Variants in GRIN2D observed in about 807,000 individuals in gnomAD.
The protein encoded by GRIN2D is glutamate receptor ionotropic, NMDA 2D.
In GRIN2D, 37 loss-of-function variants were observed where a neutral mutation model predicts 103.2. The ratio of observed to expected loss-of-function variants is 0.36; its 90% confidence interval spans 0.28 to 0.47. GRIN2D has a LOEUF of 0.47. Among genes scored for constraint, GRIN2D ranks in the 20% least tolerant of loss-of-function variants. The pLI is 1.00. For synonymous variants in GRIN2D, 845 were observed against 885.6 expected, an observed-to-expected ratio of 0.95 and a Z score of 0.81; for missense variants, 1,557 against 1,910.6, an observed-to-expected ratio of 0.81 and a Z score of 3.45.
chr19:48,406,410 A>T (rs1753513740), intron 4 of GRIN2D, among the ~76,000 whole-genome samples: 1 of 152,174 alleles, frequency 6.6e-6, no homozygotes, highest in Admixed American at 6.5e-5. Flanking sequence ...GAGTGGAAAA[A>T]TTGGTAAGTT....
rs765789746 is a variant in GRIN2D, at chr19:48,443,346, G to C, written c.3420G>C (p.Pro1140=). 7.9e-6 allele frequency: 12 copies of C among 1,518,308 alleles called. No homozygotes were observed. The East Asian group carries it at 1.4e-4, about 17-fold the overall frequency. The allele number at this position is 1,518,308 out of a possible 1,614,324, so 94.1% of individuals were successfully genotyped here. A position where few individuals can be genotyped will look rare whatever the true frequency, so the allele number is the denominator to read the frequency against. Reference sequence around the variant, plus strand: ...GGTGGTTCGCCGACTTCCCTTACCCGTATGCCGAGCGCCTCGGGCCGCCGC... The same window carrying C: ...GGTGGTTCGCCGACTTCCCTTACCCCTATGCCGAGCGCCTCGGGCCGCCGC... ...EPWWFADFPY[P]YAERLGPPPG... Residue 1140 remains proline (P), a synonymous_variant, in exon 14 of 14, where the codon CCG becomes CCC. Coordinates refer to ENST00000263269, the MANE Select transcript of GRIN2D (RefSeq NM_000836.4). This position sits in a 1 kb window ranked among gnomAD's most constrained non-coding sequence, Gnocchi z 8.9.
In GRIN2D at chr19:48,443,695, G is replaced by T; in HGVS notation, c.3769G>T (p.Ala1257Ser). ...APHHHRHRRA[A>S]GGWDLPPPAP... ...CCACCACCACAGGCACCGGCGCGCC[G>T]CTGGGGGCTGGGACCTCCCGCCGCC... The change falls in exon 14 of 14, where the codon GCT becomes TCT. Residue 1257 changes from alanine to serine, a missense_variant. Ala to Ser is a moderately conservative substitution (Grantham distance 99). Transcript: ENST00000263269. The surrounding 1 kb of genome is among the most constrained non-coding windows in gnomAD (Gnocchi z 8.9). 8.0e-7 allele frequency: 1 copy of T among 1,247,202 alleles called. No homozygotes were observed. Among genetic ancestry groups the T allele is most frequent in the Non-Finnish European group, 1.0e-6 (1 of 999,316 alleles). The allele number at this position is 1,247,202 out of a possible 1,614,324, so 77.3% of individuals were successfully genotyped here. A position where few individuals can be genotyped will look rare whatever the true frequency, so the allele number is the denominator to read the frequency against.
At chr19:48,411,676 G>T (rs1970862835) in intron 4 of GRIN2D, among the ~76,000 whole-genome samples, 3 of 151,362 alleles carry the variant, frequency 2.0e-5, no homozygotes, top group Admixed American at 1.3e-4. Context: ...TAAATAAGAA[G>T]AATAGTTGGT....
At chr19:48,401,757 ACAAT>A (rs1219913472) in intron 3 of GRIN2D, among the ~76,000 whole-genome samples, 1 of 152,192 alleles carries the variant, frequency 6.6e-6, no homozygotes, top group African/African-American at 2.4e-5. Flanking sequence ...ATATTTTGAA[ACAAT>A]CACTCTGGCT....
At chr19:48,412,425 G>GAAAGAAAGAAAGAGAAAGA (rs1970877062) in intron 4 of GRIN2D, among the ~76,000 whole-genome samples, 1 of 48,150 alleles carries the variant, frequency 2.1e-5, no homozygotes, top group East Asian at 4.7e-4. Flanking sequence ...AGAAAGAAAA[G>GAAAGAAAGAAAGAGAAAGA]AAAGAAAGAA....
intron 3 of GRIN2D, among the ~76,000 whole-genome samples, chr19:48,402,341 G>C (rs1381279071): frequency 6.6e-6 from 1 of 152,156 alleles, no homozygotes; most frequent in African/African-American, 2.4e-5. Flanking sequence ...GAAAGGGAAA[G>C]GATGATTTAG....
rs145605485 is a variant in GRIN2D, at chr19:48,421,345, T to C, written c.2092-440T>C. ...CGGGAGGCTGAGGCAGGAGAATCAGTTGAACCTGGGAGGCGGAGGTTGCAG... is the reference window on the plus strand; with the variant it reads ...CGGGAGGCTGAGGCAGGAGAATCAGCTGAACCTGGGAGGCGGAGGTTGCAG... On this transcript the variant is annotated intron_variant, in intron 10 of 13. Transcript: ENST00000263269. The surrounding 1 kb of genome is among the most constrained non-coding windows in gnomAD (Gnocchi z 4.8). Among the ~76,000 whole-genome samples, 143 of 152,088 alleles carry C rather than the reference T, an allele frequency of 9.4e-4. 2 individuals are homozygous for C. The East Asian group carries it at 0.021, about 23-fold the overall frequency.
In GRIN2D at chr19:48,414,130, G is replaced by C; in HGVS notation, c.1200+25G>C. 7.4e-7 allele frequency: 1 copy of C among 1,358,638 alleles called. No individual in the cohort carries two copies. Among genetic ancestry groups the C allele is most frequent in the Non-Finnish European group, 1.1e-6 (1 of 948,298 alleles). 84.2% of individuals were successfully genotyped at this position (1,358,638 alleles called of 1,614,324 possible). On this transcript the variant is annotated intron_variant, in intron 5 of 13. Coordinates refer to ENST00000263269, the MANE Select transcript of GRIN2D (RefSeq NM_000836.4). This position sits in a 1 kb window ranked among gnomAD's most constrained non-coding sequence, Gnocchi z 4.6. ...GGTGAGTCGTAGCCCCAGACCTCAG[G>C]CATGGCAGAGGGTGTGGACTCCTGC...
Position 48,443,230 on chromosome 19 carries a change from C to T in GRIN2D, c.3304C>T (p.Pro1102Ser). ...APPPCRAAPP[P>S]CPYLDLEPSP... ...GCCCCCGTGCCGCGCCGCGCCGCCC[C>T]CGTGCCCTTACCTCGATCTCGAGCC... The change falls in exon 14 of 14, where the codon CCG becomes TCG. Residue 1102 changes from proline (P) to serine (S), a missense_variant. Pro to Ser is a moderately conservative substitution (Grantham distance 74). Transcript: ENST00000263269. This position sits in a 1 kb window ranked among gnomAD's most constrained non-coding sequence, Gnocchi z 8.9. The T allele has an allele frequency of 1.4e-6, 2 of 1,449,134 alleles. No homozygotes were observed. Among genetic ancestry groups the T allele is most frequent in the Non-Finnish European group, 1.8e-6 (2 of 1,100,810 alleles). The allele number at this position is 1,449,134 out of a possible 1,614,324, so 89.8% of individuals were successfully genotyped here. A position where few individuals can be genotyped will look rare whatever the true frequency, so the allele number is the denominator to read the frequency against.
chr19:48,433,959 T>A (rs1441510518), intron 11 of GRIN2D, among the ~76,000 whole-genome samples: 1 of 151,658 alleles, frequency 6.6e-6, no homozygotes, highest in Non-Finnish European at 1.5e-5. Context: ...TTCTTTTTTT[T>A]TTTTTTTGAG....
In GRIN2D at chr19:48,444,401, T is replaced by C. The variant is rs1971356816; in HGVS notation, c.*464T>C. 6.5e-6 allele frequency: 1 copy of C among 153,406 alleles called. No individual in the cohort carries two copies. Among genetic ancestry groups the C allele is most frequent in the South Asian group, 2.0e-4 (1 of 5,072 alleles). The allele number at this position is 153,406 out of a possible 1,614,324, so 9.5% of individuals were successfully genotyped here. ...TTCGCCAAACTGTGACCCCAGACCT[T>C]GGCCCCGCCACACAGAAACCCCTGA... is the stretch of plus-strand genomic sequence containing the variant. On this transcript the variant is annotated 3_prime_UTR_variant, in exon 14 of 14. Transcript: ENST00000263269. The surrounding 1 kb of genome is among the most constrained non-coding windows in gnomAD (Gnocchi z 5.5).
At chr19:48,438,401 C>T (rs994024495) in intron 11 of GRIN2D, among the ~76,000 whole-genome samples, 4 of 140,192 alleles carry the variant, frequency 2.9e-5, no homozygotes, top group Admixed American at 8.0e-5. Context: ...CGAGTTCAAA[C>T]GATTCTCTTG....
chr19:48,434,860 C>T (rs975507785), intron 11 of GRIN2D, among the ~76,000 whole-genome samples: 1 of 152,130 alleles, frequency 6.6e-6, no homozygotes, highest in African/African-American at 2.4e-5. Flanking sequence ...GGATTATAGG[C>T]ATGAGCCACC....
At chr19:48,412,558 C>T (rs1309433611) in intron 4 of GRIN2D, among the ~76,000 whole-genome samples, 3 of 151,680 alleles carry the variant, frequency 2.0e-5, no homozygotes, top group Non-Finnish European at 4.4e-5. Flanking sequence ...GAGGCTGAGG[C>T]GGGCGGATCA....
chr19:48,425,136 C>A (rs902014863), intron 11 of GRIN2D, among the ~76,000 whole-genome samples: 1 of 151,324 alleles, frequency 6.6e-6, no homozygotes, highest in Non-Finnish European at 1.5e-5. Context: ...CAAACAGAAT[C>A]ACTTTCCTCT....
At chr19:48,431,681 T>A (rs934135510) in intron 11 of GRIN2D, among the ~76,000 whole-genome samples, 1 of 151,340 alleles carries the variant, frequency 6.6e-6, no homozygotes, top group Non-Finnish European at 1.5e-5. Flanking sequence ...ACCTCCCAGG[T>A]ACAAGCAATT....
intron 11 of GRIN2D, among the ~76,000 whole-genome samples, chr19:48,423,349 G>C (rs10409355): frequency 0.091 from 13,894 of 152,254 alleles, 1,623 homozygotes; most frequent in African/African-American, 0.27. Flanking sequence ...ATCCTCTGCT[G>C]TACGCTAAGC....
intron 3 of GRIN2D, among the ~76,000 whole-genome samples, chr19:48,402,143 A>AGAGAAG (rs1328677746): frequency 6.6e-6 from 1 of 151,022 alleles, no homozygotes; most frequent in East Asian, 2.0e-4. Context: ...AAAGAAAGAA[A>AGAGAAG]GAAAGAAAGA....
At chr19:48,415,419 G>A (rs1970933945) in intron 7 of GRIN2D, among the ~76,000 whole-genome samples, 1 of 150,552 alleles carries the variant, frequency 6.6e-6, no homozygotes, top group African/African-American at 2.4e-5. Flanking sequence ...GCAGGGGCGC[G>A]GCCAAATTGA....
Sources: allele counts gnomAD v4.1 joint callset (sites outside exome capture counted in the v4.1 genomes callset), GRCh38; gene constraint gnomAD v4.1.1; non-coding constraint Gnocchi (gnomAD v3.1); transcripts MANE v1.5; gene names NCBI Gene and HGNC (gene_info 2026-07-23, HGNC 2026-07-21).